TMPRSS7: variants seen among roughly 807,000 people sequenced by gnomAD.
The protein encoded by TMPRSS7 is transmembrane serine protease 7.
Under a neutral mutation model 95.6 loss-of-function variants are expected in TMPRSS7, and 81 were observed. The observed-to-expected ratio is 0.85, with a 90% CI of 0.71 to 1.02. The LOEUF (loss-of-function observed/expected upper bound fraction) is 1.02. Among genes scored for constraint, TMPRSS7 ranks in the 50% least tolerant of loss-of-function variants. TMPRSS7 has a pLI of 0.00. For synonymous variants in TMPRSS7, 364 were observed against 337.8 expected (o/e 1.08, Z -0.85); for missense variants, 945 against 955.2 (o/e 0.99, Z 0.14).
At chr3:112,044,938 G>T (rs1255283269) in intron 4 of TMPRSS7, among the ~76,000 whole-genome samples, 2 of 152,196 alleles carry the variant, frequency 1.3e-5, no homozygotes, top group African/African-American at 4.8e-5. Flanking sequence ...TATGTCATTA[G>T]GAGCTCAGGC....
chr3:112,065,122 C>T lies in TMPRSS7; in HGVS notation c.1556-1270C>T, dbSNP rs189391792. Among the ~76,000 whole-genome samples, 425 of 152,260 alleles carry T rather than the reference C, an allele frequency of 2.8e-3. 2 individuals are homozygous for T. The highest frequency in any genetic ancestry group is 5.0e-3 in the Non-Finnish European group (343 of 68,018). On this transcript the variant is annotated intron_variant, in intron 12 of 17. Coordinates refer to ENST00000452346, the Ensembl canonical transcript of TMPRSS7. ...GTGGTGTGATCATAGCTCACTGCAG[C>T]GTCGAACTCCTGGGCTCAAGGGATC...
chr3:112,045,765 C>T (rs757337665), exon 5 of TMPRSS7: 31 of 1,549,890 alleles, frequency 2.0e-5, no homozygotes, highest in Non-Finnish European at 2.4e-5. Context: ...ACAACAAAGG[C>T]GGCCTCCTTG....
chr3:112,072,596 T>C (rs540767162), intron 13 of TMPRSS7, among the ~76,000 whole-genome samples: 1 of 152,372 alleles, frequency 6.6e-6, no homozygotes, highest in South Asian at 2.1e-4. Flanking sequence ...ATAGGGGCAG[T>C]AGGCCTTGCT....
At chr3:112,047,320 G>A (rs1008045330) in intron 6 of TMPRSS7, 10 of 606,968 alleles carry the variant, frequency 1.6e-5, no homozygotes, top group African/African-American at 1.4e-4. Flanking sequence ...TTGTAACAAG[G>A]ACCACCAAGC....
At chr3:112,042,221 T>C (rs2073217888) in intron 3 of TMPRSS7, among the ~76,000 whole-genome samples, 171 bp downstream of exon 3, 1 of 152,076 alleles carries the variant, frequency 6.6e-6, no homozygotes, top group African/African-American at 2.4e-5. Flanking sequence ...ACATCTTGGC[T>C]ATAAGATAGA....
intron 9 of TMPRSS7, among the ~76,000 whole-genome samples, chr3:112,051,220 G>C (rs1287301943): frequency 1.3e-5 from 2 of 151,858 alleles, no homozygotes; most frequent in East Asian, 3.9e-4. Flanking sequence ...TTTACAAACA[G>C]ACACAATAAA....
At chr3:112,072,995 T>TGA in intron 13 of TMPRSS7, among the ~76,000 whole-genome samples, 4 of 152,174 alleles carry the variant, frequency 2.6e-5, no homozygotes, top group African/African-American at 9.7e-5. Flanking sequence ...CACCATACCA[T>TGA]CTTGCACAAT....
chr3:112,057,526 T>G (rs1422137246), intron 10 of TMPRSS7, among the ~76,000 whole-genome samples: 3 of 152,176 alleles, frequency 2.0e-5, no homozygotes, highest in Non-Finnish European at 4.4e-5. Context: ...GGCTGGATCC[T>G]GAGACTGGGA....
In TMPRSS7 at chr3:112,049,537, A is replaced by C. The variant is rs1627007; in HGVS notation, c.960-307A>C. 2.9e-3 allele frequency among the ~76,000 whole-genome samples: 444 copies of C among 152,346 alleles called. 2 individuals are homozygous for C. Among genetic ancestry groups the C allele is most frequent in the African/African-American group, 0.01 (422 of 41,576 alleles). On this transcript the variant is annotated intron_variant, in intron 7 of 17. Transcript: ENST00000452346. ...TTTTGAGTCCAGTTTTCCTTAGAGC[A>C]GAGTCCAGGACCTTAGCCATTAGAT...
intron 7 of TMPRSS7, 72 bp from the exon 8 acceptor site, chr3:112,049,772 T>G: frequency 6.2e-6 from 8 of 1,280,578 alleles, no homozygotes; most frequent in Non-Finnish European, 8.4e-6. Context: ...ATGTGTGGAA[T>G]CGTTTTGAAT....
chr3:112,071,044 T>C (rs1370260498), intron 13 of TMPRSS7, among the ~76,000 whole-genome samples: 1 of 152,250 alleles, frequency 6.6e-6, no homozygotes. Context: ...ATAGCATCGA[T>C]GACCTTTACA....
chr3:112,080,572 T>TACCACCACTACTACTACTACTATTACC (rs1553766184), intron 17 of TMPRSS7, among the ~76,000 whole-genome samples: 1 of 150,414 alleles, frequency 6.6e-6, no homozygotes, highest in African/African-American at 2.4e-5. Context: ...CTACTACTAT[T>TACCACCACTACTACTACTACTATTACC]ACCACCACCA....
intron 10 of TMPRSS7, among the ~76,000 whole-genome samples, chr3:112,058,600 G>A (rs1314360644): frequency 6.6e-6 from 1 of 152,062 alleles, no homozygotes; most frequent in Non-Finnish European, 1.5e-5. Flanking sequence ...ACTATAGAAC[G>A]TGCCCCCAAG....
exon 16 of TMPRSS7, chr3:112,077,027 G>C (rs367713221): frequency 6.2e-7 from 1 of 1,614,036 alleles, no homozygotes; most frequent in Non-Finnish European, 8.5e-7. Context: ...GCTCAGTATT[G>C]CCTGGCCTGA....
intron 7 of TMPRSS7, 122 bp downstream of exon 7, chr3:112,048,089 T>A: frequency 2.5e-6 from 2 of 806,512 alleles, no homozygotes; most frequent in Non-Finnish European, 4.0e-6. Context: ...ATGAGGTCAA[T>A]GGCTGACCCG....
chr3:112,039,472 C>G (rs2073183715), intron 2 of TMPRSS7: 1 of 152,012 alleles, frequency 6.6e-6, no homozygotes, highest in Non-Finnish European at 1.5e-5. Context: ...GCTGAAAGCC[C>G]CTAGGTAACC....
At chr3:112,072,132 G>A (rs902584206) in intron 13 of TMPRSS7, among the ~76,000 whole-genome samples, 6 of 152,180 alleles carry the variant, frequency 3.9e-5, no homozygotes, top group African/African-American at 1.4e-4. Context: ...TGGGGTTTTG[G>A]TGTAGATGTC....
At chr3:112,048,554 A>G (rs1282927192) in intron 7 of TMPRSS7, among the ~76,000 whole-genome samples, 1 of 152,170 alleles carries the variant, frequency 6.6e-6, no homozygotes, top group Non-Finnish European at 1.5e-5. Flanking sequence ...TGGGTGCTTA[A>G]TATTTGGTAA....
At chr3:112,051,754 T>A (rs984716821) in intron 9 of TMPRSS7, among the ~76,000 whole-genome samples, 4 of 151,888 alleles carry the variant, frequency 2.6e-5, no homozygotes, top group African/African-American at 4.8e-5. Context: ...TATGCTTTTT[T>A]AAAAAAAATC....
Sources: gnomAD v4.1 joint callset for allele counts (sites outside exome capture counted in the v4.1 genomes callset) on GRCh38, gnomAD v4.1.1 for gene constraint, MANE v1.5 for transcripts, NCBI Gene and HGNC (gene_info 2026-07-23, HGNC 2026-07-21) for gene names.